STARD13: variants seen among roughly 807,000 people sequenced by gnomAD.
STARD13 encodes stAR-related lipid transfer protein 13.
Under a neutral mutation model 106.4 loss-of-function variants are expected in STARD13, and 62 were observed. The ratio of observed to expected loss-of-function variants is 0.58; its 90% CI spans 0.48 to 0.72. STARD13 has a LOEUF of 0.72. Among genes scored for constraint, STARD13 ranks in the 30% least tolerant of loss-of-function variants. The pLI, the probability that STARD13 is intolerant of heterozygous loss-of-function variation, is 0.00. For missense variants in STARD13, 1,387 were observed against 1,424.0 expected (o/e 0.97, Z 0.42); for synonymous variants, 565 against 553.0 (o/e 1.02, Z -0.31).
the STARD13 span, chr13:33,676,709 G>A: frequency 1.3e-5 from 2 of 152,178 alleles, no homozygotes; most frequent in African/African-American, 4.8e-5. Context: ...AGGTCTTTAA[G>A]TTTAAAGCAG....
chr13:33,649,253 G>A, the STARD13 span, among the ~76,000 whole-genome samples: 1 of 152,092 alleles, frequency 6.6e-6, no homozygotes, highest in Non-Finnish European at 1.5e-5. Flanking sequence ...CATATTTACT[G>A]CTAGGTGAAA....
At chr13:33,475,619 T>G in the STARD13 span, among the ~76,000 whole-genome samples, 79,654 of 152,064 alleles carry the variant, frequency 0.52, 21,809 homozygotes, top group African/African-American at 0.7. Context: ...ATTTTTACAA[T>G]TTCTAAACAT....
chr13:33,127,591 T>G (rs752706645), intron 5 of STARD13, 45 bp from the exon 6 acceptor site: 1 of 1,498,122 alleles, frequency 6.7e-7, no homozygotes, highest in Non-Finnish European at 8.8e-7. Context: ...AAAGTGGACT[T>G]GGTAGCGGGA....
At chr13:33,627,419 A>G in the STARD13 span, among the ~76,000 whole-genome samples, 2 of 152,086 alleles carry the variant, frequency 1.3e-5, no homozygotes, top group African/African-American at 4.8e-5. Flanking sequence ...TGGGTGGATC[A>G]CGAGGTCAGG....
At chr13:33,218,875 C>G (rs994034567) in intron 1 of STARD13, among the ~76,000 whole-genome samples, 1 of 152,168 alleles carries the variant, frequency 6.6e-6, no homozygotes, top group African/African-American at 2.4e-5. Context: ...TAGGTCACAT[C>G]ATTCTATGCT....
the STARD13 span, among the ~76,000 whole-genome samples, chr13:33,456,690 G>T: frequency 2.0e-5 from 3 of 152,098 alleles, no homozygotes; most frequent in Non-Finnish European, 4.4e-5. Flanking sequence ...CAGCCCTTAT[G>T]AATGGGATCG....
chr13:33,110,977 G>A (rs1874468338), intron 10 of STARD13, 70 bp from the exon 11 acceptor site: 6 of 1,407,634 alleles, frequency 4.3e-6, no homozygotes, highest in Non-Finnish European at 6.0e-6. Context: ...AGAAAGCAAA[G>A]CCATTTCACC....
At chr13:33,633,257 C>T in the STARD13 span, among the ~76,000 whole-genome samples, 706 of 152,282 alleles carry the variant, frequency 4.6e-3, 7 homozygotes, top group South Asian at 0.027. Context: ...CCTTTATTCA[C>T]TTGATATCCT....
chr13:33,209,491 G>A (rs1372224050), intron 1 of STARD13, among the ~76,000 whole-genome samples: 1 of 150,522 alleles, frequency 6.6e-6, no homozygotes, highest in Non-Finnish European at 1.5e-5. Flanking sequence ...GGCCTAAGAA[G>A]CCAATTAACC....
chr13:33,299,211 T>A lies in STARD13; in HGVS notation c.124+51079A>T, dbSNP rs535800288. Among the ~76,000 whole-genome samples, 623 of 152,332 alleles carry A rather than the reference T, an allele frequency of 4.1e-3. 1 individual carries two copies. The highest frequency in any genetic ancestry group is 6.8e-3 in the Middle Eastern group (2 of 294). Reference sequence around the variant, plus strand: ...GGATTTGTGTGAGTACATTCTATAATGTTCACACAACAACAAAATCACCGA... The same window carrying A: ...GGATTTGTGTGAGTACATTCTATAAAGTTCACACAACAACAAAATCACCGA... On this transcript the variant is annotated intron_variant, in intron 1 of 5. Coordinates refer to the STARD13 transcript ENST00000567873.
chr13:33,332,964 T>C (rs1230852525), intron 1 of STARD13, among the ~76,000 whole-genome samples: 3 of 152,154 alleles, frequency 2.0e-5, no homozygotes, highest in Non-Finnish European at 4.4e-5. Context: ...TAAAATCATA[T>C]AATTTGGGAA....
chr13:33,425,838 C>T, the STARD13 span, among the ~76,000 whole-genome samples: 11 of 152,208 alleles, frequency 7.2e-5, no homozygotes, highest in African/African-American at 2.7e-4. Flanking sequence ...CATCACAGGA[C>T]ATGTTACCAA....
the STARD13 span, among the ~76,000 whole-genome samples, chr13:33,663,197 T>C: frequency 1.3e-5 from 2 of 152,170 alleles, no homozygotes; most frequent in African/African-American, 4.8e-5. Context: ...TTGATCCTCC[T>C]ACCTTGGCCT....
the STARD13 span, chr13:33,656,718 G>A: frequency 6.6e-6 from 1 of 152,208 alleles, no homozygotes; most frequent in Non-Finnish European, 1.5e-5. Context: ...GATTCCTATG[G>A]AAATTCATAT....
At chr13:33,402,290 C>T in the STARD13 span, among the ~76,000 whole-genome samples, 6 of 152,290 alleles carry the variant, frequency 3.9e-5, no homozygotes, top group Admixed American at 6.5e-5. Flanking sequence ...AGTAATCTTT[C>T]GTAGTTTTAG....
At chr13:33,117,390 C>T (rs904619019) in intron 8 of STARD13, among the ~76,000 whole-genome samples, 2 of 152,224 alleles carry the variant, frequency 1.3e-5, no homozygotes, top group African/African-American at 2.4e-5. Context: ...GGATTACAGG[C>T]GTGAGCCACC....
rs1196354857 is a variant in STARD13, at chr13:33,301,184, AC to A, written c.124+49105del. 7.2e-5 allele frequency among the ~76,000 whole-genome samples: 11 copies of A among 152,230 alleles called. No homozygotes were observed. The East Asian group carries it at 2.1e-3, about 29-fold the overall frequency. On this transcript the variant is annotated intron_variant, in intron 1 of 5. Coordinates refer to the STARD13 transcript ENST00000567873. Reference sequence around the variant, plus strand: ...CACAGCATTTAGTCCAGTGCCTGGTACATAGGAATGGACAATAAACTTTGAT... The same window carrying A: ...CACAGCATTTAGTCCAGTGCCTGGTAATAGGAATGGACAATAAACTTTGAT...
In STARD13 at chr13:33,106,933, T is replaced by C. The variant is rs923789926; in HGVS notation, c.3049A>G (p.Thr1017Ala). 6.2e-7 allele frequency: 1 copy of C among 1,611,156 alleles called. No homozygotes were observed. Among genetic ancestry groups the C allele is most frequent in the African/African-American group, 1.3e-5 (1 of 74,872 alleles). ...CCTTTGGGCAAATCAGTTTTCCAGG[T>C]CCTGTAGCAAAACAATCCGCACATC... ...HPSRDFVVLR[T>A]WKTDLPKGMC... The change falls in exon 13 of 14, where the codon ACC (threonine) becomes GCC (alanine). Residue 1017 changes from threonine to alanine, a missense_variant and splice_region_variant. Transcript: ENST00000336934.
chr13:33,409,312 G>A, the STARD13 span, among the ~76,000 whole-genome samples: 3 of 152,022 alleles, frequency 2.0e-5, no homozygotes, highest in Non-Finnish European at 2.9e-5. Flanking sequence ...TCATTGTCTC[G>A]ATTTTACAGA....
Sources: gnomAD v4.1 joint callset for allele counts (sites outside exome capture counted in the v4.1 genomes callset) on GRCh38, gnomAD v4.1.1 for gene constraint, MANE v1.5 for transcripts, NCBI Gene and HGNC (gene_info 2026-07-23, HGNC 2026-07-21) for gene names.